B4GALT5: variants seen among roughly 807,000 people sequenced by gnomAD.
B4GALT5 encodes beta-1,4-galactosyltransferase 5.
A neutral mutation model predicts 45.0 loss-of-function variants in B4GALT5; 11 were observed. The ratio of observed to expected loss-of-function variants is 0.24; its 90% CI spans 0.15 to 0.40. B4GALT5 has a LOEUF of 0.40. Among genes scored for constraint, B4GALT5 ranks in the 10% least tolerant of loss-of-function variants. The pLI is 1.00. For synonymous variants in B4GALT5, 185 were observed against 182.9 expected, an observed-to-expected ratio of 1.01 and a Z score of -0.09; for missense variants, 337 against 500.2, an observed-to-expected ratio of 0.67 and a Z score of 3.11.
chr20:49,697,730 G>A (rs1042628979), intron 1 of B4GALT5, among the ~76,000 whole-genome samples: 1 of 152,106 alleles, frequency 6.6e-6, no homozygotes, highest in African/African-American at 2.4e-5. Context: ...TTAGAGGAAG[G>A]GGGATGGAAT....
At chr20:49,640,303 A>T (rs187994621) in intron 6 of B4GALT5, among the ~76,000 whole-genome samples, 175 bp downstream of exon 6, 4 of 152,348 alleles carry the variant, frequency 2.6e-5, no homozygotes, top group Non-Finnish European at 5.9e-5. Context: ...GGCACGTATC[A>T]GTATTTCATT....
intron 4 of B4GALT5, among the ~76,000 whole-genome samples, chr20:49,642,869 T>C (rs959598476): frequency 6.6e-6 from 1 of 152,164 alleles, no homozygotes; most frequent in Non-Finnish European, 1.5e-5. Flanking sequence ...CAAAAATACA[T>C]CTATAAACTT....
intron 1 of B4GALT5, among the ~76,000 whole-genome samples, chr20:49,676,778 C>T (rs1046551071): frequency 6.6e-6 from 1 of 152,218 alleles, no homozygotes; most frequent in Non-Finnish European, 1.5e-5. Context: ...GCGGGGGGCA[C>T]AGAATAAAAC....
At chr20:49,699,869 T>TA (rs1056182449) in intron 1 of B4GALT5, among the ~76,000 whole-genome samples, 3 of 152,284 alleles carry the variant, frequency 2.0e-5, no homozygotes, top group South Asian at 2.1e-4. Flanking sequence ...GGACAGAACT[T>TA]AAAGTCATTC....
At chr20:49,639,033 C>T (rs1042508770) in intron 7 of B4GALT5, among the ~76,000 whole-genome samples, 5 of 152,160 alleles carry the variant, frequency 3.3e-5, no homozygotes, top group African/African-American at 1.2e-4. Context: ...TCCTCACAAT[C>T]CTGAGATTTG....
chr20:49,664,566 A>G (rs2085680943), intron 1 of B4GALT5, among the ~76,000 whole-genome samples: 1 of 152,154 alleles, frequency 6.6e-6, no homozygotes, highest in African/African-American at 2.4e-5. Context: ...TAGAGACATA[A>G]CTAAACGCAA....
chr20:49,690,821 A>C (rs1454114701), intron 1 of B4GALT5, among the ~76,000 whole-genome samples: 1 of 152,176 alleles, frequency 6.6e-6, no homozygotes, highest in Non-Finnish European at 1.5e-5. Context: ...TGGAGACACA[A>C]AATATCCTAG....
At chr20:49,710,418 T>TTTTTTG (rs1555815354) in intron 1 of B4GALT5, among the ~76,000 whole-genome samples, 1 of 148,496 alleles carries the variant, frequency 6.7e-6, no homozygotes, top group African/African-American at 2.5e-5. Flanking sequence ...TTTTTTTTTT[T>TTTTTTG]TGTGTGTGTG....
rs376010370 is a variant in B4GALT5 at position 49,713,631 on chromosome 20, G to A, written c.60C>T (p.Phe20=). 599 of 1,584,356 alleles carry A rather than the reference G, an allele frequency of 3.8e-4. 2 individuals are homozygous for A. Among genetic ancestry groups the A allele is most frequent in the Admixed American group, 1.1e-3 (63 of 55,870 alleles). ...GCAGCGAGGACGAGAGAGAAAAGAA[G>A]AAGAGCGCGGCGAGCAGCGAGCGGC... is the stretch of plus-strand genomic sequence containing the variant. The part of the protein sequence containing the change: ...LPRRSLLAAL[F]FFSLSSSLLY... Residue 20 remains phenylalanine (F), a synonymous_variant, in exon 1 of 9, where the codon TTC becomes TTT. Coordinates refer to ENST00000371711, the MANE Select transcript of B4GALT5 (RefSeq NM_004776.4).
intron 3 of B4GALT5, among the ~76,000 whole-genome samples, chr20:49,645,726 G>A (rs2085596408): frequency 6.6e-6 from 1 of 151,990 alleles, no homozygotes; most frequent in African/African-American, 2.4e-5. Flanking sequence ...TCCAGCCTGG[G>A]CAACAAGAGC....
chr20:49,660,698 G>A (rs1462234957), intron 1 of B4GALT5, among the ~76,000 whole-genome samples: 4 of 152,118 alleles, frequency 2.6e-5, no homozygotes, highest in Non-Finnish European at 4.4e-5. Flanking sequence ...TAAAAGTCTT[G>A]TTACCGGTTG....
chr20:49,636,198 T>A lies in B4GALT5; in HGVS notation c.*114A>T. 2.2e-6 allele frequency: 3 copies of A among 1,340,568 alleles called. No homozygotes were observed. The highest frequency in any genetic ancestry group is 3.1e-6 in the Non-Finnish European group (3 of 969,420). 83.0% of individuals were successfully genotyped at this position (1,340,568 alleles called of 1,614,324 possible). ...TCCCCCTGAACTCTGTGATCCTTCA[T>A]GAGACACAGTATTTCTGTTCTCTTG... On this transcript the variant is annotated 3_prime_UTR_variant, in exon 9 of 9. Coordinates refer to ENST00000371711, the MANE Select transcript of B4GALT5 (RefSeq NM_004776.4).
chr20:49,687,273 A>ATC (rs2085790158), intron 1 of B4GALT5, among the ~76,000 whole-genome samples: 1 of 152,242 alleles, frequency 6.6e-6, no homozygotes, highest in East Asian at 1.9e-4. Context: ...CTGACTTTTA[A>ATC]ATTAACCACT....
At chr20:49,676,485 G>C (rs1294708747) in intron 1 of B4GALT5, among the ~76,000 whole-genome samples, 1 of 152,238 alleles carries the variant, frequency 6.6e-6, no homozygotes, top group East Asian at 1.9e-4. Context: ...TAAAAGCAGA[G>C]ATGAAGTTAA....
At chr20:49,687,113 C>T (rs894555921) in intron 1 of B4GALT5, among the ~76,000 whole-genome samples, 1 of 152,000 alleles carries the variant, frequency 6.6e-6, no homozygotes, top group Non-Finnish European at 1.5e-5. Flanking sequence ...GTCACCACTG[C>T]GGGAGAAAGG....
chr20:49,694,774 C>CA (rs769676397), intron 1 of B4GALT5, among the ~76,000 whole-genome samples: 17 of 152,194 alleles, frequency 1.1e-4, no homozygotes, highest in Middle Eastern at 3.4e-3. Flanking sequence ...TCTGCCTTTG[C>CA]ATATGCACAA....
chr20:49,637,288 G>T, intron 8 of B4GALT5, 53 bp downstream of exon 8: 1 of 1,490,954 alleles, frequency 6.7e-7, no homozygotes. Context: ...TAAGATATCC[G>T]GACATGAAAG....
chr20:49,642,999 T>G (rs1416742620), intron 4 of B4GALT5, among the ~76,000 whole-genome samples: 1 of 152,254 alleles, frequency 6.6e-6, no homozygotes, highest in African/African-American at 2.4e-5. Context: ...GTTCCAGATC[T>G]GCTGCATCAG....
chr20:49,679,285 A>T (rs2085754283), intron 1 of B4GALT5, among the ~76,000 whole-genome samples: 1 of 152,164 alleles, frequency 6.6e-6, no homozygotes, highest in African/African-American at 2.4e-5. Flanking sequence ...GTTGTTTCGC[A>T]ATCACCAGTC....
Sources: allele counts gnomAD v4.1 joint callset (sites outside exome capture counted in the v4.1 genomes callset), GRCh38; gene constraint gnomAD v4.1.1; transcripts MANE v1.5; gene names NCBI Gene and HGNC (gene_info 2026-07-23, HGNC 2026-07-21).